Variants in TNS3 observed in about 807,000 individuals in gnomAD.
TNS3 encodes the protein tensin-3.
A neutral mutation model predicts 140.9 loss-of-function variants in TNS3; 45 were observed. The observed-to-expected ratio is 0.32, with a 90% CI of 0.25 to 0.41. The LOEUF is 0.41. Ranked by LOEUF, TNS3 falls within the 10% of genes least tolerant of loss-of-function variation. TNS3 has a pLI of 1.00. For missense variants in TNS3, 1,716 were observed against 1,906.7 expected, an observed-to-expected ratio of 0.90 and a Z score of 1.86; for synonymous variants, 815 against 788.4, an observed-to-expected ratio of 1.03 and a Z score of -0.56.
At chr7:47,397,025 C>A in intron 15 of TNS3, 121 bp from the exon 16 acceptor site, 1 of 688,128 alleles carries the variant, frequency 1.5e-6, no homozygotes, top group East Asian at 2.7e-5. Context: ...CCTCTCCATC[C>A]TCCACCCTCC....
intron 30 of TNS3, chr7:47,279,812 A>C (rs1457534547): frequency 3.2e-6 from 1 of 308,534 alleles, no homozygotes; most frequent in Non-Finnish European, 6.0e-6. Context: ...CTTCATCCAC[A>C]CACCTGCACA....
chr7:47,430,215 A>G (rs1330403673), intron 8 of TNS3, among the ~76,000 whole-genome samples: 1 of 147,686 alleles, frequency 6.8e-6, no homozygotes, highest in Non-Finnish European at 1.5e-5. Flanking sequence ...GGCAACCTCC[A>G]CCTCCCGAGT....
chr7:47,452,521 C>G (rs548536501), intron 4 of TNS3, among the ~76,000 whole-genome samples: 1 of 152,318 alleles, frequency 6.6e-6, no homozygotes, highest in South Asian at 2.1e-4. Context: ...GATTGTATCT[C>G]TATTTATTTG....
chr7:47,282,547 G>A (rs1186368854), intron 28 of TNS3, among the ~76,000 whole-genome samples: 1 of 152,130 alleles, frequency 6.6e-6, no homozygotes, highest in Non-Finnish European at 1.5e-5. Context: ...ACATGGTGGG[G>A]TTGAGCCACA....
intron 12 of TNS3, 55 bp from the exon 13 acceptor site, chr7:47,411,857 G>C: frequency 6.4e-7 from 1 of 1,554,316 alleles, no homozygotes; most frequent in Admixed American, 1.8e-5. Flanking sequence ...TTTGTGGGAA[G>C]AATACATGTA....
At chr7:47,460,103 C>CTCGGGAGGCTGAGGCAGGAGA (rs950579133) in intron 4 of TNS3, among the ~76,000 whole-genome samples, 1 of 151,488 alleles carries the variant, frequency 6.6e-6, no homozygotes, top group African/African-American at 2.4e-5. Flanking sequence ...GTCCCAGCTA[C>CTCGGGAGGCTGAGGCAGGAGA]TCGGGAGGCT....
intron 1 of TNS3, among the ~76,000 whole-genome samples, chr7:47,551,014 G>T (rs1364842590): frequency 6.6e-6 from 1 of 152,200 alleles, no homozygotes; most frequent in African/African-American, 2.4e-5. Context: ...AGGAACATGA[G>T]CTCACTCAGA....
At chr7:47,471,360 A>G (rs1339525375) in intron 4 of TNS3, among the ~76,000 whole-genome samples, 1 of 152,122 alleles carries the variant, frequency 6.6e-6, no homozygotes, top group East Asian at 1.9e-4. Flanking sequence ...TAACCATCTC[A>G]CCGTCTCGTC....
At chr7:47,333,969 G>T (rs990398171) in intron 20 of TNS3, among the ~76,000 whole-genome samples, 53 of 152,164 alleles carry the variant, frequency 3.5e-4, no homozygotes, top group African/African-American at 1.3e-3. Flanking sequence ...GCTTCCAGAG[G>T]TTATGCAAAC....
At chr7:47,372,495 C>G (rs1437501438) in intron 16 of TNS3, among the ~76,000 whole-genome samples, 1 of 152,136 alleles carries the variant, frequency 6.6e-6, no homozygotes, top group African/African-American at 2.4e-5. Context: ...AAGAACAGTA[C>G]CTGATTAGAA....
intron 21 of TNS3, among the ~76,000 whole-genome samples, chr7:47,303,974 G>A (rs1439520733): frequency 6.6e-6 from 1 of 152,200 alleles, no homozygotes; most frequent in Non-Finnish European, 1.5e-5. Context: ...CTAGCCCTTA[G>A]CCAGCACCTG....
chr7:47,285,233 T>C (rs1344571302), intron 27 of TNS3, among the ~76,000 whole-genome samples: 2 of 152,226 alleles, frequency 1.3e-5, no homozygotes, highest in East Asian at 3.8e-4. Flanking sequence ...ATATTGTTTA[T>C]AGCTGAAGAC....
chr7:47,368,964 T>C lies in TNS3; in HGVS notation c.1682A>G (p.Lys561Arg). ...RERTFGSREP[K>R]QPQPLLRKPS... ...CTTTCTCAGCAGGGGCTGGGGCTGC[T>C]TGGGCTCTCGACTCCCAAAAGTCCG... The change falls in exon 17 of 31, where the codon AAG (lysine) becomes AGG (arginine). Residue 561 changes from lysine to arginine, a missense_variant. Physicochemically the swap from Lys to Arg is conservative, Grantham distance 26. Coordinates refer to ENST00000311160, the MANE Select transcript of TNS3 (RefSeq NM_022748.12). 1 of 1,613,864 alleles carries C rather than the reference T, an allele frequency of 6.2e-7. No homozygotes were observed. The highest frequency in any genetic ancestry group is 8.5e-7 in the Non-Finnish European group (1 of 1,179,992).
At chr7:47,432,452 T>C (rs1794972009) in intron 8 of TNS3, among the ~76,000 whole-genome samples, 1 of 152,148 alleles carries the variant, frequency 6.6e-6, no homozygotes, top group Non-Finnish European at 1.5e-5. Flanking sequence ...CCCCTATAAA[T>C]ATTAATATAA....
chr7:47,576,624 G>T (rs1402951714), intron 1 of TNS3, among the ~76,000 whole-genome samples: 1 of 152,184 alleles, frequency 6.6e-6, no homozygotes, highest in Admixed American at 6.5e-5. Flanking sequence ...GAGCCAGCCC[G>T]GCGCTCCAGG....
intron 10 of TNS3, 106 bp downstream of exon 10, chr7:47,423,995 T>C (rs907842247): frequency 1.8e-6 from 2 of 1,127,758 alleles, no homozygotes; most frequent in Non-Finnish European, 2.6e-6. Context: ...CCAAGAATAC[T>C]ATTCATTTAG....
Position 47,369,110 on chromosome 7 carries a change from G to A in TNS3, c.1536C>T (p.Cys512=), listed in dbSNP as rs1180538597. 6.2e-7 allele frequency: 1 copy of A among 1,613,956 alleles called. No individual in the cohort carries two copies. Among genetic ancestry groups the A allele is most frequent in the Admixed American group, 1.7e-5 (1 of 60,036 alleles). The part of the protein sequence containing the change: ...PQSAHLGPFT[C]HKSSQNSLLS... Reference sequence around the variant, plus strand: ...GGAGTGAGTTCTGGCTGCTCTTGTGGCAGGTGAAGGGACCCAGGTGGGCCG... The same window carrying A: ...GGAGTGAGTTCTGGCTGCTCTTGTGACAGGTGAAGGGACCCAGGTGGGCCG... Residue 512 remains cysteine, a synonymous_variant, in exon 17 of 31, where the codon TGC becomes TGT. Transcript: ENST00000311160.
At chr7:47,310,297 G>T (rs1325551125) in intron 20 of TNS3, among the ~76,000 whole-genome samples, 1 of 152,198 alleles carries the variant, frequency 6.6e-6, no homozygotes, top group Non-Finnish European at 1.5e-5. Context: ...GATTGTGGCA[G>T]TCTCTTAGTG....
intron 17 of TNS3, among the ~76,000 whole-genome samples, chr7:47,358,897 A>ACT (rs1397464947): frequency 6.6e-6 from 1 of 152,030 alleles, no homozygotes; most frequent in Non-Finnish European, 1.5e-5. Context: ...AGATCAGCCC[A>ACT]CTCCCAGTGC....
Sources: gnomAD v4.1 joint callset for allele counts (sites outside exome capture counted in the v4.1 genomes callset) on GRCh38, gnomAD v4.1.1 for gene constraint, MANE v1.5 for transcripts, NCBI Gene and HGNC (gene_info 2026-07-23, HGNC 2026-07-21) for gene names.